The following SPTA1 variants were observed in gnomAD, a reference collection of about 807,000 sequenced individuals.
SPTA1 encodes spectrin alpha, erythrocytic 1.
In SPTA1, 177 loss-of-function variants were observed where a neutral mutation model predicts 324.7. The observed-to-expected ratio is 0.55, with a 90% CI of 0.48 to 0.62. The LOEUF is 0.62. SPTA1 is among the 20% of genes least tolerant of loss of function. The pLI is 0.00. For synonymous variants in SPTA1, 1,195 were observed against 1,041.3 expected (o/e 1.15, Z -2.84); for missense variants, 3,162 against 2,883.6 (o/e 1.10, Z -2.21).
chr1:158,649,136 CT>C (rs1364106764), intron 25 of SPTA1, among the ~76,000 whole-genome samples: 1 of 152,086 alleles, frequency 6.6e-6, no homozygotes, highest in Non-Finnish European at 1.5e-5. Context: ...TTGTATGTGT[CT>C]TTGTGTTTCT....
intron 37 of SPTA1, 103 bp from the exon 38 acceptor site, chr1:158,636,137 T>G (rs1179051064): frequency 6.3e-7 from 1 of 1,596,274 alleles, no homozygotes; most frequent in Non-Finnish European, 8.6e-7. Context: ...TCCAGATTAT[T>G]TATAAACTCC....
intron 29 of SPTA1, among the ~76,000 whole-genome samples, chr1:158,644,765 C>T (rs548976970): frequency 3.9e-5 from 6 of 152,272 alleles, no homozygotes; most frequent in African/African-American, 4.8e-5. Context: ...TCAAAGCACT[C>T]GTACATTTTG....
At chr1:158,643,141 T>G (rs1651739713) in intron 31 of SPTA1, among the ~76,000 whole-genome samples, 165 bp from the exon 32 acceptor site, 1 of 152,202 alleles carries the variant, frequency 6.6e-6, no homozygotes, top group Non-Finnish European at 1.5e-5. Flanking sequence ...TTCTAAGGTA[T>G]CTTTCATCTT....
In SPTA1 at chr1:158,620,350, C is replaced by G; in HGVS notation, c.6237G>C (p.Arg2079=). 3.7e-6 allele frequency: 6 copies of G among 1,614,084 alleles called. No homozygotes were observed. The highest frequency in any genetic ancestry group is 5.1e-6 in the Non-Finnish European group (6 of 1,180,040). The part of the protein sequence containing the change: ...PVHCVSLNEI[R]QLQKDHEDFL... ...AGTCCTCATGGTCTTTCTGCAGCTG[C>G]CGAATTTCATTCAGGGAGACACAGT... is the stretch of plus-strand genomic sequence containing the variant. The change falls in exon 44 of 52, where the codon CGG becomes CGC. Residue 2079 remains arginine (R), a synonymous_variant. Transcript: ENST00000643759.
Position 158,615,030 on chromosome 1 carries a change from T to C in SPTA1, c.6788+186A>G. ...AGGCTCAGGTGGATGGAGAGCACTG[T>C]CTTTTATTTCATGATGGATTTCAGT... is the stretch of plus-strand genomic sequence containing the variant. On this transcript the variant is annotated intron_variant, in intron 48 of 51. Coordinates refer to ENST00000643759, the MANE Select transcript of SPTA1 (RefSeq NM_003126.4). The C allele has an allele frequency of 3.0e-6, 2 of 669,920 alleles. 1 individual carries two copies. Among genetic ancestry groups the C allele is most frequent in the South Asian group, 3.7e-5 (2 of 53,674 alleles). The allele number at this position is 669,920 out of a possible 1,614,324, so 41.5% of individuals were successfully genotyped here.
chr1:158,637,700 T>A (rs370930462), intron 36 of SPTA1, among the ~76,000 whole-genome samples: 115 of 152,320 alleles, frequency 7.5e-4, no homozygotes, highest in African/African-American at 2.6e-3. Flanking sequence ...AATGACAAGG[T>A]TCTGATCAGC....
rs562589780 is a variant in SPTA1, at chr1:158,611,348, C to T, written c.7176G>A (p.Met2392Ile). 1 of 1,613,732 alleles carries T rather than the reference C, an allele frequency of 6.2e-7. No individual in the cohort carries two copies. The highest frequency in any genetic ancestry group is 1.1e-5 in the South Asian group (1 of 91,074). Residue 2392 changes from methionine (M) to isoleucine (I), a missense_variant, in exon 52 of 52, where the codon ATG becomes ATA. Coordinates refer to ENST00000643759, the MANE Select transcript of SPTA1 (RefSeq NM_003126.4). ...PEQVSFCATH[M>I]QQYMDPRGRS... Reference sequence around the variant, plus strand: ...GACCCCGTGGGTCCATATATTGCTGCATATGTGTGGCACAGAATGACACTT... The same window carrying T: ...GACCCCGTGGGTCCATATATTGCTGTATATGTGTGGCACAGAATGACACTT...
chr1:158,657,881 T>C (rs1296103029), intron 18 of SPTA1, among the ~76,000 whole-genome samples, 187 bp from the exon 19 acceptor site: 1 of 152,202 alleles, frequency 6.6e-6, no homozygotes, highest in Admixed American at 6.5e-5. Context: ...CAAAAGGTAC[T>C]AATGGGAGAT....
At chr1:158,670,016 T>C (rs1653897739) in intron 12 of SPTA1, among the ~76,000 whole-genome samples, 1 of 152,218 alleles carries the variant, frequency 6.6e-6, no homozygotes, top group African/African-American at 2.4e-5. Flanking sequence ...TAAATACAGG[T>C]TACAGTAAAT....
At chr1:158,681,180 G>C (rs1279551394) in intron 4 of SPTA1, among the ~76,000 whole-genome samples, 2 of 152,026 alleles carry the variant, frequency 1.3e-5, no homozygotes, top group South Asian at 4.1e-4. Flanking sequence ...ATTAGAGAAA[G>C]AGCTGTCAAT....
At chr1:158,620,514 T>C in intron 43 of SPTA1, 48 bp from the exon 44 acceptor site, 2 of 1,608,726 alleles carry the variant, frequency 1.2e-6, no homozygotes, top group Non-Finnish European at 1.7e-6. Context: ...ATAAAGCCTC[T>C]CAGCAGAAGA....
At chr1:158,621,120 A>G (rs889834256) in intron 43 of SPTA1, among the ~76,000 whole-genome samples, 4 of 152,168 alleles carry the variant, frequency 2.6e-5, no homozygotes, top group African/African-American at 9.6e-5. Flanking sequence ...TCATTGTATT[A>G]CTGTCTGGCA....
In SPTA1 at chr1:158,611,380, G is replaced by C; in HGVS notation, c.7144C>G (p.Pro2382Ala). The C allele has an allele frequency of 1.2e-6, 2 of 1,613,592 alleles. No homozygotes were observed. Among genetic ancestry groups the C allele is most frequent in the Non-Finnish European group, 1.7e-6 (2 of 1,179,666 alleles). Residue 2382 changes from proline to alanine, a missense_variant, in exon 52 of 52, where the codon CCA becomes GCA. Transcript: ENST00000643759. ...TKEDMKQALT[P>A]EQVSFCATHM... Reference sequence around the variant, plus strand: ...GTGGCACAGAATGACACTTGCTCTGGGGTAAGGGCCTGAAAAGTATAAAAA... The same window carrying C: ...GTGGCACAGAATGACACTTGCTCTGCGGTAAGGGCCTGAAAAGTATAAAAA...
chr1:158,658,914 AG>A (rs1277413717), intron 18 of SPTA1, among the ~76,000 whole-genome samples: 1 of 152,148 alleles, frequency 6.6e-6, no homozygotes, highest in Non-Finnish European at 1.5e-5. Flanking sequence ...TATTTCAAAA[AG>A]GAAGGTAGAA....
chr1:158,615,373 G>A lies in SPTA1; in HGVS notation c.6631C>T (p.Arg2211Cys), dbSNP rs773800556. Residue 2211 changes from arginine to cysteine, a missense_variant, in exon 48 of 52, where the codon CGT (arginine) becomes TGT (cysteine). Coordinates refer to ENST00000643759, the MANE Select transcript of SPTA1 (RefSeq NM_003126.4). ...AGGTCCACAATCTTGGTTAGTTGAC[G>A]CTTCATCGCCTGGATCTCCTTCTGT... ...RKQKEIQAMK[R>C]QLTKIVDLGD... 40 of 1,613,940 alleles carry A rather than the reference G, an allele frequency of 2.5e-5. No individual in the cohort carries two copies. The Admixed American group carries it at 3.0e-4, about 12-fold the overall frequency.
intron 6 of SPTA1, 108 bp downstream of exon 6, chr1:158,678,293 G>C: frequency 6.8e-7 from 1 of 1,470,456 alleles, no homozygotes; most frequent in Non-Finnish European, 9.5e-7. Flanking sequence ...ACTTTTGTTT[G>C]AAGTGTTGAC....
intron 12 of SPTA1, 63 bp downstream of exon 12, chr1:158,671,280 G>A (rs917004245): frequency 2.6e-6 from 3 of 1,167,262 alleles, no homozygotes; most frequent in Non-Finnish European, 3.8e-6. Context: ...CTGGGGACAG[G>A]TATTGTGTAA....
Position 158,666,415 on chromosome 1 carries a change from C to T in SPTA1, c.2121G>A (p.Glu707=). 2 of 1,613,778 alleles carry T rather than the reference C, an allele frequency of 1.2e-6. No homozygotes were observed. Among genetic ancestry groups the T allele is most frequent in the South Asian group, 2.2e-5 (2 of 91,062 alleles). ...CATAATCCTCAGAGGTGACTTGCCA[C>T]TCAACATCCTCCAGCCAGCGCTGCA... The part of the protein sequence containing the change: ...EDLQRWLEDV[E]WQVTSEDYGK... Residue 707 remains glutamate, a synonymous_variant, in exon 16 of 52, where the codon GAG becomes GAA. Coordinates refer to ENST00000643759, the MANE Select transcript of SPTA1 (RefSeq NM_003126.4).
At chr1:158,627,151 G>A (rs777830494) in intron 40 of SPTA1, 144 bp from the exon 41 acceptor site, 25 of 1,007,240 alleles carry the variant, frequency 2.5e-5, no homozygotes, top group Non-Finnish European at 3.6e-5. Flanking sequence ...GTTTCTAGGA[G>A]GTAGGGAGTC....
Sources: gnomAD v4.1 joint callset for allele counts (sites outside exome capture counted in the v4.1 genomes callset) on GRCh38, gnomAD v4.1.1 for gene constraint, MANE v1.5 for transcripts, NCBI Gene and HGNC (gene_info 2026-07-23, HGNC 2026-07-21) for gene names.